PPP1R13L: variants seen among roughly 807,000 people sequenced by gnomAD.
The protein encoded by PPP1R13L is relA-associated inhibitor.
A neutral mutation model predicts 80.9 loss-of-function variants in PPP1R13L; 50 were observed. The ratio of observed to expected loss-of-function variants is 0.62; its 90% CI spans 0.49 to 0.78. The LOEUF is 0.78. PPP1R13L is among the 30% of genes least tolerant of loss of function. The pLI is 0.00. For missense variants in PPP1R13L, 1,200 were observed against 1,205.9 expected (o/e 1.00, Z 0.07); for synonymous variants, 602 against 534.3 (o/e 1.13, Z -1.75).
At position 45,382,514 on chromosome 19, in the gene PPP1R13L, C is replaced by A; in HGVS notation, c.2448+13G>T. The A allele has an allele frequency of 6.2e-7, 1 of 1,610,490 alleles. No individual in the cohort carries two copies. Among genetic ancestry groups the A allele is most frequent in the Admixed American group, 1.7e-5 (1 of 59,864 alleles). Reference sequence around the variant, plus strand: ...CTGTCGGGAGGTCCCCATGACTTCTCCCCTGGGCTCACCCCGAAGTAGTTC... The same window carrying A: ...CTGTCGGGAGGTCCCCATGACTTCTACCCTGGGCTCACCCCGAAGTAGTTC... On this transcript the variant is annotated intron_variant, in intron 12 of 12. Coordinates refer to ENST00000360957, the MANE Select transcript of PPP1R13L (RefSeq NM_006663.4).
Position 45,395,484 on chromosome 19 carries a change from T to C in PPP1R13L, c.1306A>G (p.Thr436Ala), listed in dbSNP as rs199587896. ...PQPQTQPQTPTPAPQHPQQTW... is the reference protein window; with the variant it reads ...PQPQTQPQTPAPAPQHPQQTW... ...TGTTGGGGATGCTGGGGGGCTGGGGTAGGGGTTTGGGGTTGGGTCTGGGGC... is the reference window on the plus strand; with the variant it reads ...TGTTGGGGATGCTGGGGGGCTGGGGCAGGGGTTTGGGGTTGGGTCTGGGGC... Residue 436 changes from threonine (T) to alanine (A), a missense_variant, in exon 7 of 13, where the codon ACC (threonine) becomes GCC (alanine). This residue lies in a region of PPP1R13L where 764 missense variants were observed against 714.5 expected (regional missense o/e 1.07). Transcript: ENST00000360957. 1 of 1,200,876 alleles carries C rather than the reference T, an allele frequency of 8.3e-7. No homozygotes were observed. Among genetic ancestry groups the C allele is most frequent in the Non-Finnish European group, 1.1e-6 (1 of 906,384 alleles). 74.4% of individuals were successfully genotyped at this position (1,200,876 alleles called of 1,614,324 possible).
chr19:45,404,336 G>A (rs1973286802), intron 1 of PPP1R13L, among the ~76,000 whole-genome samples: 3 of 152,198 alleles, frequency 2.0e-5, no homozygotes, highest in African/African-American at 7.2e-5. Flanking sequence ...GCCCTAGGGC[G>A]GATGTCCCTT....
Position 45,396,890 on chromosome 19 carries a change from T to C in PPP1R13L, c.367A>G (p.Thr123Ala). Residue 123 changes from threonine to alanine, a missense_variant, in exon 4 of 13, where the codon ACC (threonine) becomes GCC (alanine). Physicochemically the swap from Thr to Ala is moderately conservative, Grantham distance 58. Transcript: ENST00000360957. This position sits in a 1 kb window ranked among gnomAD's most constrained non-coding sequence, Gnocchi z 5.3. ...SPKGRPSSPRTPLYLQPDAYG... is the reference protein window; with the variant it reads ...SPKGRPSSPRAPLYLQPDAYG... ...GCGTCCGGCTGCAGGTAGAGCGGGG[T>C]GCGCGGCGACGACGGCCGTCCCTTG... The C allele has an allele frequency of 1.3e-6, 2 of 1,520,052 alleles. No individual in the cohort carries two copies. Among genetic ancestry groups the C allele is most frequent in the Non-Finnish European group, 8.8e-7 (1 of 1,141,766 alleles). The allele number at this position is 1,520,052 out of a possible 1,614,324, so 94.2% of individuals were successfully genotyped here.
chr19:45,392,066 GT>G lies in PPP1R13L; in HGVS notation c.1628del (p.Tyr543SerfsTer94). On this transcript the variant is annotated frameshift_variant, in exon 8 of 13. Transcript: ENST00000360957. LOFTEE classifies it high-confidence loss of function. ...GGAAGAGGCGGCTGATGATCTGCTG[GT>G]ACTGTTTCTTGTGGGTAGGGGGCAG... Reference protein sequence around the residue: ...VALPPTHKKQYQQIISRLFHR... With the variant: ...VALPPTHKKQXQQIISRLFHR... The G allele has an allele frequency of 3.2e-6, 5 of 1,542,172 alleles. No individual in the cohort carries two copies. Among genetic ancestry groups the G allele is most frequent in the Non-Finnish European group, 4.4e-6 (5 of 1,146,306 alleles).
intron 9 of PPP1R13L, 28 bp from the exon 10 acceptor site, chr19:45,385,985 T>C (rs1452244441): frequency 3.8e-6 from 6 of 1,591,408 alleles, no homozygotes; most frequent in Non-Finnish European, 5.1e-6. Context: ...GGGGGAAGAC[T>C]CAGTCCCGCG....
chr19:45,388,041 C>G (rs1043258542), intron 8 of PPP1R13L, among the ~76,000 whole-genome samples: 7 of 151,634 alleles, frequency 4.6e-5, no homozygotes, highest in Non-Finnish European at 1.0e-4. Context: ...TGGTGGTGCA[C>G]GCCTGTAATC....
At chr19:45,388,452 G>A (rs1420940717) in intron 8 of PPP1R13L, among the ~76,000 whole-genome samples, 1 of 151,910 alleles carries the variant, frequency 6.6e-6, no homozygotes, top group African/African-American at 2.4e-5. Context: ...GTGCATGCCT[G>A]TAGTCCCAGC....
rs1234559798 is a variant in PPP1R13L, at chr19:45,382,672, T to C, written c.2303A>G (p.Asp768Gly). Residue 768 changes from aspartate to glycine, a missense_variant, in exon 12 of 13, where the codon GAC becomes GGC. Asp to Gly is a moderately conservative substitution (Grantham distance 94). Around this residue, in one of 5 missense-constraint regions of PPP1R13L, gnomAD observed 165 missense variants for 177.1 expected, o/e 0.93. Coordinates refer to ENST00000360957, the MANE Select transcript of PPP1R13L (RefSeq NM_006663.4). ...CTCGTCCCCGAACTCGGCGCTGTAG[T>C]CCCAGAGAGCGTACACTGCCCCGCT... is the stretch of plus-strand genomic sequence containing the variant. ...MNSGAVYALW[D>G]YSAEFGDELS... 1 of 1,614,008 alleles carries C rather than the reference T, an allele frequency of 6.2e-7. No individual in the cohort carries two copies. Among genetic ancestry groups the C allele is most frequent in the South Asian group, 1.1e-5 (1 of 91,078 alleles).
Position 45,382,564 on chromosome 19 carries a change from T to C in PPP1R13L, c.2411A>G (p.His804Arg). ...EETDWWWAAL[H>R]GQEGYVPRNY... ...CCGCGGCACGTAGCCCTCCTGGCCG[T>C]GCAGCGCGGCCCACCACCAGTCGGT... is the stretch of plus-strand genomic sequence containing the variant. Residue 804 changes from histidine to arginine, a missense_variant, in exon 12 of 13, where the codon CAC (histidine) becomes CGC (arginine). Physicochemically the swap from His to Arg is conservative, Grantham distance 29. Coordinates refer to ENST00000360957, the MANE Select transcript of PPP1R13L (RefSeq NM_006663.4). The C allele has an allele frequency of 1.2e-6, 2 of 1,613,340 alleles. No homozygotes were observed. The highest frequency in any genetic ancestry group is 1.7e-6 in the Non-Finnish European group (2 of 1,179,854).
chr19:45,396,948 G>A lies in PPP1R13L; in HGVS notation c.309C>T (p.Ala103=). The A allele has an allele frequency of 7.0e-7, 1 of 1,430,650 alleles. No homozygotes were observed. Among genetic ancestry groups the A allele is most frequent in the East Asian group, 2.7e-5 (1 of 36,482 alleles). The allele number at this position is 1,430,650 out of a possible 1,614,324, so 88.6% of individuals were successfully genotyped here. A position where few individuals can be genotyped will look rare whatever the true frequency, so the allele number is the denominator to read the frequency against. ...GCGGGCTGTAGGGGTGTAGGGTTGG[G>A]GCACTCTCTGATCGTCCGAACGGGG... is the stretch of plus-strand genomic sequence containing the variant. ...ADTPFGRSES[A]PTLHPYSPLS... Residue 103 remains alanine, a synonymous_variant, in exon 4 of 13, where the codon GCC becomes GCT. Transcript: ENST00000360957. This position sits in a 1 kb window ranked among gnomAD's most constrained non-coding sequence, Gnocchi z 5.3.
chr19:45,382,947 G>A (rs1225488749), intron 11 of PPP1R13L, among the ~76,000 whole-genome samples: 2 of 151,944 alleles, frequency 1.3e-5, no homozygotes, highest in Non-Finnish European at 2.9e-5. Flanking sequence ...GCATGCCAGT[G>A]GGCCACCCAC....
At chr19:45,380,912 C>T (rs1972750529) in intron 12 of PPP1R13L, among the ~76,000 whole-genome samples, 1 of 150,954 alleles carries the variant, frequency 6.6e-6, no homozygotes, top group Non-Finnish European at 1.5e-5. Flanking sequence ...TCTTCCTTGC[C>T]TTCTCCCCTA....
chr19:45,387,821 G>T (rs1021746826), intron 8 of PPP1R13L, among the ~76,000 whole-genome samples: 12 of 152,140 alleles, frequency 7.9e-5, no homozygotes, highest in African/African-American at 2.4e-4. Context: ...AAAGTGCTGG[G>T]ATTACAGGTG....
At position 45,399,406 on chromosome 19, in the gene PPP1R13L, C is replaced by T. The variant is rs912024743; in HGVS notation, c.-21-1067G>A. On this transcript the variant is annotated intron_variant, in intron 1 of 12. Transcript: ENST00000360957. ...TTGGGAGGCCAAGGAGGGCGGATCA[C>T]GAGGTCAGGAGAGCGAGACCATCCT... Among the ~76,000 whole-genome samples the T allele has an allele frequency of 3.4e-5, 5 of 149,080 alleles. No individual in the cohort carries two copies. The East Asian group carries it at 8.2e-4, about 25-fold the overall frequency.
Position 45,391,973 on chromosome 19 carries a change from C to A in PPP1R13L, c.1722G>T (p.Glu574Asp). 1 of 1,523,650 alleles carries A rather than the reference C, an allele frequency of 6.6e-7. No individual in the cohort carries two copies. Among genetic ancestry groups the A allele is most frequent in the Admixed American group, 2.2e-5 (1 of 44,594 alleles). The allele number at this position is 1,523,650 out of a possible 1,614,324, so 94.4% of individuals were successfully genotyped here. ...CAGGAGCAGGGGGCCCTGCCCTGGC[C>A]TCAGATCCCTCAGTGATGGGGGACA... ...PELSPITEGS[E>D]ARAGPPAPAP... The change falls in exon 8 of 13, where the codon GAG becomes GAT. Residue 574 changes from glutamate to aspartate, a missense_variant. Coordinates refer to ENST00000360957, the MANE Select transcript of PPP1R13L (RefSeq NM_006663.4).
At chr19:45,397,600 G>A (rs1406733226) in intron 3 of PPP1R13L, among the ~76,000 whole-genome samples, 1 of 151,040 alleles carries the variant, frequency 6.6e-6, no homozygotes, top group African/African-American at 2.4e-5. Context: ...TGGGATTACA[G>A]GTATGCACCA....
chr19:45,384,257 A>T (rs1021996117), intron 11 of PPP1R13L, among the ~76,000 whole-genome samples: 2 of 150,728 alleles, frequency 1.3e-5, no homozygotes, highest in Admixed American at 6.7e-5. Context: ...ACAGTGGCTC[A>T]CACCTATAAT....
In PPP1R13L at chr19:45,396,789, C is replaced by A; in HGVS notation, c.468G>T (p.Ala156=). The A allele has an allele frequency of 7.3e-7, 1 of 1,374,072 alleles. No individual in the cohort carries two copies. The highest frequency in any genetic ancestry group is 1.7e-5 in the South Asian group (1 of 57,882). 85.1% of individuals were successfully genotyped at this position (1,374,072 alleles called of 1,614,324 possible). Residue 156 remains alanine, a synonymous_variant, in exon 4 of 13, where the codon GCG becomes GCT. Transcript: ENST00000360957. This position sits in a 1 kb window ranked among gnomAD's most constrained non-coding sequence, Gnocchi z 5.3. ...GGCCTGGCCCGGGCCGCGGGGAGGG[C>A]GCACGGCCGAGGGAGCTGCCTGCGC... is the stretch of plus-strand genomic sequence containing the variant. ...FDGAGSSLGR[A]PSPRPGPGPL...
Position 45,379,930 on chromosome 19 carries a change from A to G in PPP1R13L, c.*260T>C. The G allele has an allele frequency of 2.6e-6, 1 of 387,720 alleles. No homozygotes were observed. Among genetic ancestry groups the G allele is most frequent in the Non-Finnish European group, 4.7e-6 (1 of 212,392 alleles). 24.0% of individuals were successfully genotyped at this position (387,720 alleles called of 1,614,324 possible). Reference sequence around the variant, plus strand: ...TGGGAGGCACTTTGGACGGGATCTGATTTGGCAAAAGGAAGTGGTTTCCTG... The same window carrying G: ...TGGGAGGCACTTTGGACGGGATCTGGTTTGGCAAAAGGAAGTGGTTTCCTG... On this transcript the variant is annotated 3_prime_UTR_variant, in exon 13 of 13. Transcript: ENST00000360957.
Sources: allele counts gnomAD v4.1 joint callset (sites outside exome capture counted in the v4.1 genomes callset), GRCh38; gene constraint gnomAD v4.1.1; regional missense constraint gnomAD v4.1.1; non-coding constraint Gnocchi (gnomAD v3.1); transcripts MANE v1.5; gene names NCBI Gene and HGNC (gene_info 2026-07-23, HGNC 2026-07-21).